Variants in ROBO2 observed in about 807,000 individuals in gnomAD.
ROBO2 encodes the protein roundabout guidance receptor 2, also known as roundabout homolog 2.
Under a neutral mutation model 160.8 loss-of-function variants are expected in ROBO2, and 53 were observed. The observed-to-expected ratio is 0.33, with a 90% confidence interval of 0.26 to 0.41. The LOEUF (loss-of-function observed/expected upper bound fraction) is 0.41. ROBO2 is among the 10% of genes least tolerant of loss of function. ROBO2 has a pLI of 1.00. For missense variants in ROBO2, 1,577 were observed against 1,722.4 expected, an observed-to-expected ratio of 0.92 and a Z score of 1.49; for synonymous variants, 664 against 611.7, an observed-to-expected ratio of 1.09 and a Z score of -1.26.
intron 2 of ROBO2, among the ~76,000 whole-genome samples, chr3:76,859,804 C>T (rs2070546093): frequency 1.3e-5 from 2 of 152,298 alleles, no homozygotes; most frequent in South Asian, 4.2e-4. Flanking sequence ...CTAGCAGAGT[C>T]ATGTTCCTCT....
chr3:76,911,138 G>A (rs1031035874), intron 2 of ROBO2, among the ~76,000 whole-genome samples: 2 of 152,138 alleles, frequency 1.3e-5, no homozygotes, highest in African/African-American at 4.8e-5. Context: ...ATGGTACTTG[G>A]TGGTAATTTC....
At chr3:76,649,964 C>A (rs1044460156) in intron 2 of ROBO2, among the ~76,000 whole-genome samples, 1 of 152,062 alleles carries the variant, frequency 6.6e-6, no homozygotes, top group Non-Finnish European at 1.5e-5. Flanking sequence ...TTATTTAAAT[C>A]GTGAATATTC....
intron 2 of ROBO2, among the ~76,000 whole-genome samples, chr3:77,327,023 G>T (rs772254338): frequency 1.1e-4 from 17 of 152,160 alleles, no homozygotes; most frequent in Non-Finnish European, 2.4e-4. Flanking sequence ...AATGAAGAGT[G>T]TGCAGGCAGT....
rs112809468 is a variant in ROBO2, at chr3:76,233,189, G to A, written c.109+295587G>A. 1.4e-3 allele frequency among the ~76,000 whole-genome samples: 214 copies of A among 151,282 alleles called. 1 individual carries two copies. Among genetic ancestry groups the A allele is most frequent in the African/African-American group, 3.6e-3 (148 of 41,158 alleles). On this transcript the variant is annotated intron_variant, in intron 2 of 26. Transcript: ENST00000487694. The stretch of plus-strand genomic sequence containing the variant: ...GGTAAAGTCTCACTCTTGTCTCCCC[G>A]GATAGAATGCAGTGGCTTGATCTCA...
chr3:76,976,775 T>G (rs2059836795), intron 2 of ROBO2, among the ~76,000 whole-genome samples: 1 of 152,216 alleles, frequency 6.6e-6, no homozygotes, highest in Non-Finnish European at 1.5e-5. Context: ...ATTCTTATTT[T>G]GCACCGTAAA....
chr3:76,808,788 A>C (rs1338523464), intron 2 of ROBO2, among the ~76,000 whole-genome samples: 1 of 152,116 alleles, frequency 6.6e-6, no homozygotes, highest in Non-Finnish European at 1.5e-5. Context: ...TCGGATATAG[A>C]AGTTAAAGCA....
intron 2 of ROBO2, among the ~76,000 whole-genome samples, chr3:76,463,168 G>A (rs2078177356): frequency 6.6e-6 from 1 of 152,074 alleles, no homozygotes; most frequent in African/African-American, 2.4e-5. Flanking sequence ...GGCACAGGCA[G>A]GATCGAGTAG....
At chr3:77,084,732 T>G (rs1482035223) in intron 1 of ROBO2, among the ~76,000 whole-genome samples, 2 of 152,116 alleles carry the variant, frequency 1.3e-5, no homozygotes, top group Admixed American at 6.6e-5. Flanking sequence ...ATAACTTTTC[T>G]CTAAGCTGCA....
chr3:76,854,018 TTCTCTC>T (rs573633101), intron 2 of ROBO2, among the ~76,000 whole-genome samples: 7,475 of 117,074 alleles, frequency 0.064, 238 homozygotes, highest in Admixed American at 0.11. Context: ...AGCATAGACT[TTCTCTC>T]TCTCTCTCTC....
chr3:76,217,710 T>C (rs1362880379), intron 2 of ROBO2, among the ~76,000 whole-genome samples: 7 of 152,052 alleles, frequency 4.6e-5, no homozygotes, highest in Admixed American at 3.9e-4. Context: ...CAGATGGATA[T>C]ACAGCGGAAT....
intron 2 of ROBO2, among the ~76,000 whole-genome samples, chr3:76,261,413 C>T (rs1706753856): frequency 6.6e-6 from 1 of 151,698 alleles, no homozygotes; most frequent in South Asian, 2.1e-4. Context: ...AATTTTTCTC[C>T]TTCAGATAAT....
intron 2 of ROBO2, among the ~76,000 whole-genome samples, chr3:76,228,602 A>G (rs146529514): frequency 6.6e-6 from 1 of 152,140 alleles, no homozygotes; most frequent in Non-Finnish European, 1.5e-5. Flanking sequence ...TCTTTAATTC[A>G]GCGTTGCAAA....
At chr3:77,196,627 A>C (rs2082335247) in intron 2 of ROBO2, among the ~76,000 whole-genome samples, 2 of 152,060 alleles carry the variant, frequency 1.3e-5, no homozygotes, top group Admixed American at 1.3e-4. Flanking sequence ...TCAAGGGCAT[A>C]TGTACATGTT....
intron 2 of ROBO2, among the ~76,000 whole-genome samples, chr3:76,983,043 T>C (rs2060177666): frequency 6.6e-6 from 1 of 152,018 alleles, no homozygotes; most frequent in Non-Finnish European, 1.5e-5. Flanking sequence ...CACAGCACTT[T>C]GGGAGGCCGA....
At chr3:77,301,164 C>T (rs886102581) in intron 2 of ROBO2, among the ~76,000 whole-genome samples, 7 of 151,798 alleles carry the variant, frequency 4.6e-5, no homozygotes, top group Non-Finnish European at 8.8e-5. Flanking sequence ...CCACTGTGTC[C>T]GGCCTAATAG....
intron 2 of ROBO2, among the ~76,000 whole-genome samples, chr3:76,029,601 G>A (rs1411531443): frequency 6.6e-6 from 1 of 152,070 alleles, no homozygotes; most frequent in Non-Finnish European, 1.5e-5. Context: ...TCACCTGTGA[G>A]TGAGAACATG....
At chr3:76,938,290 G>T (rs1265841453) in intron 2 of ROBO2, among the ~76,000 whole-genome samples, 1 of 152,002 alleles carries the variant, frequency 6.6e-6, no homozygotes, top group African/African-American at 2.4e-5. Context: ...GGAGGCGGAC[G>T]CTGCAGTGAG....
chr3:76,079,189 T>A (rs968357401), intron 2 of ROBO2, among the ~76,000 whole-genome samples: 8 of 152,130 alleles, frequency 5.3e-5, no homozygotes, highest in Non-Finnish European at 7.4e-5. Context: ...GGTTAATGAG[T>A]ACAAATATGG....
chr3:76,807,377 T>C (rs1293833856), intron 2 of ROBO2, among the ~76,000 whole-genome samples: 1 of 152,034 alleles, frequency 6.6e-6, no homozygotes, highest in Non-Finnish European at 1.5e-5. Context: ...AAATATCTCT[T>C]TATAAATGCT....
Sources: gnomAD v4.1 joint callset for allele counts (sites outside exome capture counted in the v4.1 genomes callset) on GRCh38, gnomAD v4.1.1 for gene constraint, MANE v1.5 for transcripts, NCBI Gene and HGNC (gene_info 2026-07-23, HGNC 2026-07-21) for gene names.